The following SDK1 variants were observed in gnomAD, a reference collection of about 807,000 sequenced individuals.
SDK1 encodes the protein sidekick cell adhesion molecule 1, also known as protein sidekick-1.
In SDK1, 157 loss-of-function variants were observed where a neutral mutation model predicts 245.5. The ratio of observed to expected loss-of-function variants is 0.64; its 90% confidence interval spans 0.56 to 0.73. The LOEUF is 0.73. Among genes scored for constraint, SDK1 ranks in the 30% least tolerant of loss-of-function variants. The pLI is 0.00. For missense variants in SDK1, 3,583 were observed against 3,002.3 expected (o/e 1.19, Z -4.52); for synonymous variants, 1,647 against 1,278.5 (o/e 1.29, Z -6.15).
chr7:3,626,261 G>T (rs1016123861), intron 2 of SDK1, among the ~76,000 whole-genome samples: 1 of 152,124 alleles, frequency 6.6e-6, no homozygotes, highest in African/African-American at 2.4e-5. Flanking sequence ...TTAAAATAGA[G>T]AGTAAGAGGA....
intron 1 of SDK1, among the ~76,000 whole-genome samples, chr7:3,411,622 A>G (rs148966137): frequency 6.6e-6 from 1 of 152,302 alleles, no homozygotes; most frequent in African/African-American, 2.4e-5. Context: ...CAATACGGGC[A>G]CTGACATGAA....
chr7:4,227,005 C>T (rs981420959), intron 40 of SDK1: 28 of 171,550 alleles, frequency 1.6e-4, no homozygotes, highest in Admixed American at 3.0e-4. Flanking sequence ...GGACAGGTCC[C>T]GTGCCTGATG....
At chr7:4,240,969 G>A (rs2128238004) in intron 42 of SDK1, among the ~76,000 whole-genome samples, 1 of 152,330 alleles carries the variant, frequency 6.6e-6, no homozygotes, top group South Asian at 2.1e-4. Flanking sequence ...CTTGGGGGCA[G>A]TTTGGAGGCC....
chr7:3,490,107 A>C (rs1291173437), intron 1 of SDK1, among the ~76,000 whole-genome samples: 1 of 152,210 alleles, frequency 6.6e-6, no homozygotes, highest in Non-Finnish European at 1.5e-5. Flanking sequence ...GGTACCAATT[A>C]AGTGAAAAGA....
intron 14 of SDK1, among the ~76,000 whole-genome samples, chr7:4,002,932 G>A (rs1316766970): frequency 6.6e-6 from 1 of 152,250 alleles, no homozygotes; most frequent in African/African-American, 2.4e-5. Flanking sequence ...GTTGGCATGA[G>A]CTTCCTTCCC....
At chr7:3,499,067 A>G (rs142433217) in intron 1 of SDK1, among the ~76,000 whole-genome samples, 181 of 152,356 alleles carry the variant, frequency 1.2e-3, no homozygotes, top group South Asian at 2.3e-3. Flanking sequence ...ATCACACTGT[A>G]ATACAAATGC....
In SDK1 at chr7:4,214,209, C is replaced by T. The variant is rs953938912; in HGVS notation, c.5539+4047C>T. On this transcript the variant is annotated intron_variant, in intron 38 of 44. Coordinates refer to ENST00000404826, the MANE Select transcript of SDK1 (RefSeq NM_152744.4). ...AAACTGCTCCATGATGGGCAGAAAGCGTCTGGAGCACTTGTGTTTCTGAAA... is the reference window on the plus strand; with the variant it reads ...AAACTGCTCCATGATGGGCAGAAAGTGTCTGGAGCACTTGTGTTTCTGAAA... 2.6e-5 allele frequency among the ~76,000 whole-genome samples: 4 copies of T among 152,162 alleles called. 1 individual carries two copies. The highest frequency in any genetic ancestry group is 4.4e-5 in the Non-Finnish European group (3 of 68,044).
At chr7:3,921,689 G>A (rs1779591304) in intron 5 of SDK1, among the ~76,000 whole-genome samples, 1 of 152,146 alleles carries the variant, frequency 6.6e-6, no homozygotes. Flanking sequence ...CCCCGGGCCA[G>A]GCACGGTGGC....
chr7:4,200,217 C>T (rs10277473), intron 35 of SDK1, among the ~76,000 whole-genome samples: 55,106 of 151,736 alleles, frequency 0.36, 10,518 homozygotes, highest in Middle Eastern at 0.49. Context: ...GGATTATCAC[C>T]TGTACACCCA....
Position 3,484,069 on chromosome 7 carries a change from A to C in SDK1, c.299-135011A>C, listed in dbSNP as rs1027295155. On this transcript the variant is annotated intron_variant, in intron 1 of 44. Transcript: ENST00000404826. ...ATTTCTGTGTGTTGGGGATACTCCAAATATTCTCTTGCAGCTATTTAAGAA... is the reference window on the plus strand; with the variant it reads ...ATTTCTGTGTGTTGGGGATACTCCACATATTCTCTTGCAGCTATTTAAGAA... Among the ~76,000 whole-genome samples the C allele has an allele frequency of 4.6e-5, 7 of 152,226 alleles. No individual in the cohort carries two copies. The East Asian group carries it at 1.2e-3, about 25-fold the overall frequency.
chr7:3,737,701 C>T (rs1325684524), intron 4 of SDK1, among the ~76,000 whole-genome samples: 5 of 152,166 alleles, frequency 3.3e-5, no homozygotes, highest in African/African-American at 1.2e-4. Context: ...CTAGCCAACC[C>T]CAGGTGGTCT....
intron 4 of SDK1, among the ~76,000 whole-genome samples, chr7:3,689,837 C>A (rs2060181): frequency 0.86 from 130,790 of 152,232 alleles, 56,441 homozygotes; most frequent in African/African-American, 0.92. Flanking sequence ...CTACACAGGC[C>A]CATATCTGCC....
At chr7:4,254,747 G>T (rs1256152839) in intron 44 of SDK1, among the ~76,000 whole-genome samples, 1 of 151,994 alleles carries the variant, frequency 6.6e-6, no homozygotes. Context: ...CTCATTGAGG[G>T]TTATTGTTGC....
intron 22 of SDK1, among the ~76,000 whole-genome samples, chr7:4,107,943 C>T (rs970277621): frequency 6.6e-6 from 1 of 152,218 alleles, no homozygotes; most frequent in African/African-American, 2.4e-5. Context: ...CAGCTTCTTT[C>T]AGCGTAACAT....
intron 17 of SDK1, among the ~76,000 whole-genome samples, chr7:4,044,334 A>G (rs1163827551): frequency 6.6e-6 from 1 of 152,244 alleles, no homozygotes; most frequent in Non-Finnish European, 1.5e-5. Flanking sequence ...CTAGTTTATT[A>G]GGACCTGGAT....
intron 36 of SDK1, 80 bp from the exon 37 acceptor site, chr7:4,208,019 C>T (rs911732996): frequency 4.6e-6 from 5 of 1,098,012 alleles, no homozygotes; most frequent in African/African-American, 1.6e-5. Context: ...CACCCCCTCG[C>T]TTTGACCTTA....
At chr7:4,115,072 T>TA (rs1400235288) in intron 25 of SDK1, among the ~76,000 whole-genome samples, 2 of 152,338 alleles carry the variant, frequency 1.3e-5, no homozygotes, top group Non-Finnish European at 2.9e-5. Flanking sequence ...CTGTGGGTCA[T>TA]AGGAGCTTTT....
intron 4 of SDK1, among the ~76,000 whole-genome samples, chr7:3,661,963 C>T (rs1344393054): frequency 6.6e-6 from 1 of 151,788 alleles, no homozygotes; most frequent in Non-Finnish European, 1.5e-5. Flanking sequence ...ACCGTTATTA[C>T]CATTAGTGGT....
intron 5 of SDK1, among the ~76,000 whole-genome samples, chr7:3,889,039 A>T: frequency 6.6e-6 from 1 of 152,160 alleles, no homozygotes; most frequent in East Asian, 1.9e-4. Flanking sequence ...TGTTTCAAGG[A>T]TCCTGACATA....
Sources: gnomAD v4.1 joint callset for allele counts (sites outside exome capture counted in the v4.1 genomes callset) on GRCh38, gnomAD v4.1.1 for gene constraint, MANE v1.5 for transcripts, NCBI Gene and HGNC (gene_info 2026-07-23, HGNC 2026-07-21) for gene names.